Variants in UAP1 observed in about 807,000 individuals in gnomAD.
The protein encoded by UAP1 is UDP-N-acetylglucosamine pyrophosphorylase 1.
A neutral mutation model predicts 58.5 loss-of-function variants in UAP1; 25 were observed. That is an observed-to-expected ratio of 0.43 (90% CI 0.31 to 0.60). UAP1 has a LOEUF of 0.60. Among genes scored for constraint, UAP1 ranks in the 20% least tolerant of loss-of-function variants. The pLI, the probability that UAP1 is intolerant of heterozygous loss-of-function variation, is 0.11. For missense variants in UAP1, 575 were observed against 630.0 expected (o/e 0.91, Z 0.93); for synonymous variants, 208 against 213.0 (o/e 0.98, Z 0.21).
At chr1:162,597,163 C>T (rs1038380236) in intron 9 of UAP1, 1 of 152,160 alleles carries the variant, frequency 6.6e-6, no homozygotes, top group Non-Finnish European at 1.5e-5. Flanking sequence ...GAACTTTCTG[C>T]AGTGAAGGAA....
intron 5 of UAP1, 100 bp from the exon 6 acceptor site, chr1:162,587,375 T>C (rs1654957395): frequency 1.8e-6 from 2 of 1,108,864 alleles, no homozygotes; most frequent in African/African-American, 1.6e-5. Flanking sequence ...TTATACCTTT[T>C]AGTGTAAGCA....
chr1:162,589,173 AT>A (rs1655122484), intron 7 of UAP1, among the ~76,000 whole-genome samples: 13 of 97,530 alleles, frequency 1.3e-4, no homozygotes, highest in African/African-American at 4.5e-4. Flanking sequence ...TAATATATAA[AT>A]ATTATATATA....
At chr1:162,577,012 T>A in intron 3 of UAP1, 31 bp downstream of exon 3, 1 of 1,593,694 alleles carries the variant, frequency 6.3e-7, no homozygotes, top group Non-Finnish European at 8.6e-7. Flanking sequence ...GGAGTGTGTC[T>A]GAACATATAT....
chr1:162,595,518 A>G (rs546810025), intron 9 of UAP1, among the ~76,000 whole-genome samples: 2 of 152,210 alleles, frequency 1.3e-5, no homozygotes, highest in South Asian at 4.1e-4. Context: ...AGAATCTGGC[A>G]TGTATGTAGA....
In UAP1 at chr1:162,567,828, G is replaced by A. The variant is rs758468494; in HGVS notation, c.280+1480G>A. 2.0e-4 allele frequency among the ~76,000 whole-genome samples: 31 copies of A among 151,954 alleles called. 1 individual carries two copies. Among genetic ancestry groups the A allele is most frequent in the Non-Finnish European group, 4.0e-4 (27 of 67,970 alleles). On this transcript the variant is annotated intron_variant, in intron 2 of 10. Coordinates refer to ENST00000271469, the Ensembl canonical transcript of UAP1. ...TTGTGGTTTTTTTTGAGACAGCCTC[G>A]CTTTGTTGCCCAGGCTGGAGTGCAG...
intron 2 of UAP1, among the ~76,000 whole-genome samples, chr1:162,575,712 G>GT (rs11382055): frequency 0.042 from 5,153 of 123,454 alleles, 258 homozygotes; most frequent in African/African-American, 0.14. Context: ...TTTGTATTTT[G>GT]TTTTTTTTTT....
At chr1:162,593,031 A>G (rs1302997472) in intron 9 of UAP1, 2 of 516,330 alleles carry the variant, frequency 3.9e-6, no homozygotes, top group Non-Finnish European at 6.9e-6. Flanking sequence ...TAGAGCTGGA[A>G]CTGACAGATT....
chr1:162,592,804 C>CT (rs1328493654), intron 9 of UAP1, 22 bp downstream of exon 9: 1 of 1,544,012 alleles, frequency 6.5e-7, no homozygotes, highest in East Asian at 2.4e-5. Context: ...AGCCTGCCTA[C>CT]AGTGCATGGT....
intron 2 of UAP1, among the ~76,000 whole-genome samples, chr1:162,568,012 G>A (rs556215710): frequency 6.6e-6 from 1 of 152,260 alleles, no homozygotes; most frequent in Non-Finnish European, 1.5e-5. Context: ...TGGCCAGACT[G>A]GTCTCGAACT....
intron 10 of UAP1, among the ~76,000 whole-genome samples, chr1:162,598,955 G>A (rs1655774612): frequency 6.6e-6 from 1 of 151,992 alleles, no homozygotes; most frequent in Non-Finnish European, 1.5e-5. Context: ...GGTGGGGGTT[G>A]CAGTGAGCAT....
At chr1:162,588,828 T>G in exon 7 of UAP1, 1 of 1,612,262 alleles carries the variant, frequency 6.2e-7, no homozygotes, top group Non-Finnish European at 8.5e-7. Context: ...TCTTCCAGTT[T>G]GCAAAGTATG....
At chr1:162,595,394 G>T (rs1427823105) in intron 9 of UAP1, among the ~76,000 whole-genome samples, 1 of 152,050 alleles carries the variant, frequency 6.6e-6, no homozygotes, top group Non-Finnish European at 1.5e-5. Flanking sequence ...AATGGGGTGG[G>T]CCCTCATTTT....
intron 9 of UAP1, chr1:162,593,662 C>T (rs891171024): frequency 6.6e-6 from 1 of 151,552 alleles, no homozygotes; most frequent in Non-Finnish European, 1.5e-5. Flanking sequence ...GTGGGAGAAT[C>T]ACTTGAGCCT....
intron 2 of UAP1, among the ~76,000 whole-genome samples, chr1:162,572,781 C>A (rs770751868): frequency 8.5e-5 from 13 of 152,168 alleles, no homozygotes; most frequent in Non-Finnish European, 1.8e-4. Flanking sequence ...ATAGACATGA[C>A]TATTTGTCAA....
chr1:162,585,701 A>G (rs1420207785), intron 5 of UAP1, among the ~76,000 whole-genome samples: 1 of 152,200 alleles, frequency 6.6e-6, no homozygotes, highest in African/African-American at 2.4e-5. Flanking sequence ...GAAATGTAAA[A>G]TGTGAATATG....
At chr1:162,567,432 G>T (rs967005947) in intron 2 of UAP1, among the ~76,000 whole-genome samples, 1 of 152,128 alleles carries the variant, frequency 6.6e-6, no homozygotes, top group African/African-American at 2.4e-5. Context: ...TCTAAAGCAT[G>T]TAAAAAAATC....
chr1:162,598,239 T>TTTTAAAAAAGTTTTATTCTAC (rs1557983321), intron 10 of UAP1, among the ~76,000 whole-genome samples: 2 of 152,038 alleles, frequency 1.3e-5, no homozygotes, highest in Admixed American at 1.3e-4. Flanking sequence ...AAATAAAACT[T>TTTTAAAAAAGTTTTATTCTAC]TTTTAAAAAG....
chr1:162,587,453 A>G (rs997076253), intron 5 of UAP1, 22 bp from the exon 6 acceptor site: 1 of 1,576,632 alleles, frequency 6.3e-7, no homozygotes, highest in Non-Finnish European at 8.6e-7. Flanking sequence ...TTCCTCCTCT[A>G]CTGTTTTTCT....
intron 8 of UAP1, among the ~76,000 whole-genome samples, chr1:162,591,202 G>A (rs1186974296): frequency 6.6e-6 from 1 of 152,090 alleles, no homozygotes; most frequent in Admixed American, 6.6e-5. Context: ...TGGGATTACA[G>A]GTGTGAGCCA....
Sources: allele counts gnomAD v4.1 joint callset (sites outside exome capture counted in the v4.1 genomes callset), GRCh38; gene constraint gnomAD v4.1.1; transcripts MANE v1.5; gene names NCBI Gene and HGNC (gene_info 2026-07-23, HGNC 2026-07-21).